CTNNA3: variants seen among roughly 807,000 people sequenced by gnomAD.
The protein encoded by CTNNA3 is catenin alpha-3.
A neutral mutation model predicts 95.7 loss-of-function variants in CTNNA3; 76 were observed. The observed-to-expected ratio is 0.79, with a 90% CI of 0.66 to 0.96. The LOEUF is 0.96. Ranked by LOEUF, CTNNA3 falls within the 40% of genes least tolerant of loss-of-function variation. The probability of loss-of-function intolerance (pLI) is 0.00; values close to 1 mark genes in which losing one functional copy is unlikely to be tolerated. For synonymous variants in CTNNA3, 431 were observed against 374.4 expected, an observed-to-expected ratio of 1.15 and a Z score of -1.74; for missense variants, 1,191 against 1,089.8, an observed-to-expected ratio of 1.09 and a Z score of -1.31.
At chr10:67,422,306 A>C (rs1845773402) in intron 5 of CTNNA3, among the ~76,000 whole-genome samples, 1 of 152,154 alleles carries the variant, frequency 6.6e-6, no homozygotes. Context: ...AAAATATACA[A>C]TAACGTATGT....
chr10:67,464,117 A>G (rs1847484480), intron 5 of CTNNA3, among the ~76,000 whole-genome samples: 1 of 152,184 alleles, frequency 6.6e-6, no homozygotes, highest in South Asian at 2.1e-4. Flanking sequence ...CCTGTTATTT[A>G]AAACATTCTA....
intron 1 of CTNNA3, among the ~76,000 whole-genome samples, chr10:67,662,697 A>G (rs1246759500): frequency 6.6e-6 from 1 of 152,262 alleles, no homozygotes; most frequent in East Asian, 1.9e-4. Flanking sequence ...AGATGCCAAC[A>G]GTTGATGTAA....
At chr10:66,374,486 A>AT (rs1037064039) in intron 12 of CTNNA3, among the ~76,000 whole-genome samples, 17 of 149,322 alleles carry the variant, frequency 1.1e-4, no homozygotes, top group East Asian at 4.0e-4. Context: ...TTGGGTTTTG[A>AT]TTTTTTTTTC....
chr10:67,497,691 G>A (rs988588224), intron 5 of CTNNA3, among the ~76,000 whole-genome samples: 16 of 152,338 alleles, frequency 1.1e-4, no homozygotes, highest in African/African-American at 3.6e-4. Context: ...CACTGATGAT[G>A]AGCTTTTTTG....
At chr10:66,935,797 A>G (rs1270069313) in intron 7 of CTNNA3, among the ~76,000 whole-genome samples, 3 of 152,012 alleles carry the variant, frequency 2.0e-5, no homozygotes, top group Admixed American at 6.6e-5. Flanking sequence ...TCCTTAAAAT[A>G]TAAGAACAGA....
intron 7 of CTNNA3, among the ~76,000 whole-genome samples, chr10:67,006,413 G>T (rs920814167): frequency 1.3e-5 from 2 of 152,014 alleles, no homozygotes; most frequent in Admixed American, 1.3e-4. Flanking sequence ...CCCTCTTTCT[G>T]TGCTATGTAT....
intron 11 of CTNNA3, among the ~76,000 whole-genome samples, chr10:66,461,814 ATTT>A (rs35888450): frequency 1.2e-4 from 17 of 140,164 alleles, no homozygotes; most frequent in Non-Finnish European, 1.5e-4. Context: ...TATATCTCCA[ATTT>A]TTTTTTTTTT....
chr10:67,553,360 T>C (rs1033656419), intron 3 of CTNNA3, among the ~76,000 whole-genome samples: 10 of 152,176 alleles, frequency 6.6e-5, no homozygotes, highest in Admixed American at 1.3e-4. Flanking sequence ...CAAGTCATTC[T>C]TTCTAAATGC....
intron 5 of CTNNA3, among the ~76,000 whole-genome samples, chr10:67,263,936 T>TA (rs758145988): frequency 5.3e-5 from 8 of 151,244 alleles, no homozygotes; most frequent in Non-Finnish European, 8.8e-5. Flanking sequence ...TGAATTGTAA[T>TA]AAAAAAAAGT....
At chr10:66,843,562 T>C (rs1210412870) in intron 7 of CTNNA3, among the ~76,000 whole-genome samples, 1 of 152,092 alleles carries the variant, frequency 6.6e-6, no homozygotes, top group Non-Finnish European at 1.5e-5. Context: ...AATGTGACCA[T>C]AAGGGAATAG....
chr10:67,340,322 A>T (rs1564578801), intron 5 of CTNNA3, among the ~76,000 whole-genome samples: 1 of 151,918 alleles, frequency 6.6e-6, no homozygotes, highest in Non-Finnish European at 1.5e-5. Flanking sequence ...AATCTTCTCA[A>T]ATTTATGAAG....
intron 9 of CTNNA3, among the ~76,000 whole-genome samples, chr10:66,647,803 G>T (rs999084785): frequency 2.6e-5 from 4 of 151,966 alleles, no homozygotes; most frequent in Non-Finnish European, 4.4e-5. Flanking sequence ...ACAGGCGTGA[G>T]CCACCGTGCC....
At chr10:67,145,820 T>C (rs1339848259) in intron 7 of CTNNA3, among the ~76,000 whole-genome samples, 1 of 152,198 alleles carries the variant, frequency 6.6e-6, no homozygotes, top group Non-Finnish European at 1.5e-5. Flanking sequence ...GGAACAAAGT[T>C]ACCACATGTG....
At chr10:66,598,451 G>T (rs532634034) in intron 10 of CTNNA3, among the ~76,000 whole-genome samples, 17 of 152,000 alleles carry the variant, frequency 1.1e-4, no homozygotes, top group Admixed American at 3.9e-4. Flanking sequence ...CATCCAAATT[G>T]GAAATGAGGA....
intron 5 of CTNNA3, among the ~76,000 whole-genome samples, chr10:67,265,453 T>C (rs1358432248): frequency 6.6e-6 from 1 of 152,110 alleles, no homozygotes; most frequent in Non-Finnish European, 1.5e-5. Context: ...ATGGATAACT[T>C]ACTTAGCAGG....
rs79577177 is a variant in CTNNA3 at position 67,544,084 on chromosome 10, G to T, written c.293-4415C>A. The stretch of plus-strand genomic sequence containing the variant: ...CTAGCCACTGCTGTGTGGACCCAAG[G>T]TTGGGTGCTACGGCAGGGTTATAGA... On this transcript the variant is annotated intron_variant, in intron 3 of 17. Transcript: ENST00000433211. 0.029 allele frequency among the ~76,000 whole-genome samples: 4,438 copies of T among 152,250 alleles called. 449 individuals are homozygous for T. In the East Asian group the frequency reaches 0.36, roughly 13 times the overall value.
intron 4 of CTNNA3, among the ~76,000 whole-genome samples, chr10:67,537,264 C>T (rs1455538646): frequency 6.6e-6 from 1 of 152,110 alleles, no homozygotes; most frequent in East Asian, 1.9e-4. Context: ...CTGTTCTAAC[C>T]ATTAGAGTAG....
intron 1 of CTNNA3, among the ~76,000 whole-genome samples, chr10:67,681,051 AC>A (rs1840616674): frequency 6.6e-6 from 1 of 152,220 alleles, no homozygotes; most frequent in Admixed American, 6.5e-5. Flanking sequence ...TTAAAACTCT[AC>A]TGAGGGTTGT....
chr10:66,836,258 A>G (rs1842883886), intron 7 of CTNNA3, among the ~76,000 whole-genome samples: 1 of 152,166 alleles, frequency 6.6e-6, no homozygotes, highest in Non-Finnish European at 1.5e-5. Flanking sequence ...TGGACTTGAT[A>G]CGTGCAAAAC....
Sources: allele counts gnomAD v4.1 joint callset (sites outside exome capture counted in the v4.1 genomes callset), GRCh38; gene constraint gnomAD v4.1.1; transcripts MANE v1.5; gene names NCBI Gene and HGNC (gene_info 2026-07-23, HGNC 2026-07-21).